Variants in PDE10A observed in about 807,000 individuals in gnomAD.
PDE10A encodes the protein cAMP and cAMP-inhibited cGMP 3',5'-cyclic phosphodiesterase 10A.
PDE10A carries 39 observed loss-of-function variants against 97.7 expected under a neutral mutation model. The ratio of observed to expected loss-of-function variants is 0.40; its 90% CI spans 0.31 to 0.52. The LOEUF (loss-of-function observed/expected upper bound fraction) is 0.52. Ranked by LOEUF, PDE10A falls within the 20% of genes least tolerant of loss-of-function variation. PDE10A has a pLI of 0.56. For missense variants in PDE10A, 731 were observed against 1,047.8 expected, an observed-to-expected ratio of 0.70 and a Z score of 4.17; for synonymous variants, 371 against 376.8, an observed-to-expected ratio of 0.98 and a Z score of 0.18.
intron 10 of PDE10A, among the ~76,000 whole-genome samples, chr6:165,422,768 A>C (rs1788813628): frequency 6.6e-6 from 1 of 152,316 alleles, no homozygotes; most frequent in Admixed American, 6.5e-5. Flanking sequence ...GGTTCAAGAA[A>C]AAGTGAGGAG....
chr6:165,838,084 G>A (rs1198124100), intron 1 of PDE10A, among the ~76,000 whole-genome samples: 3 of 152,296 alleles, frequency 2.0e-5, no homozygotes, highest in Middle Eastern at 3.4e-3. Context: ...CTAGAAAGGC[G>A]AGCAAATGAT....
chr6:165,628,608 C>T (rs9365898), intron 1 of PDE10A, among the ~76,000 whole-genome samples: 17,442 of 152,082 alleles, frequency 0.11, 1,420 homozygotes, highest in Admixed American at 0.22. Flanking sequence ...CCTCCCAAAG[C>T]GCTGGCATTA....
chr6:165,823,514 A>ATG (rs1185485822), intron 1 of PDE10A, among the ~76,000 whole-genome samples: 2 of 134,476 alleles, frequency 1.5e-5, no homozygotes, highest in African/African-American at 5.3e-5. Flanking sequence ...ATATATATAT[A>ATG]TATATATATA....
rs1790655424 is a variant in PDE10A, at chr6:165,671,818, T to A, written c.-614-128250A>T. 6.6e-6 allele frequency among the ~76,000 whole-genome samples: 1 copy of A among 152,192 alleles called. No individual in the cohort carries two copies. The highest frequency in any genetic ancestry group is 2.1e-4 in the South Asian group (1 of 4,830). The stretch of plus-strand genomic sequence containing the variant: ...GATGTTTATATTCAGTATTCACAGA[T>A]TTCTGTATTTCTTAAAGGGAGATCA... On this transcript the variant is annotated intron_variant, in intron 1 of 19. Coordinates refer to the PDE10A transcript ENST00000366882. The surrounding 1 kb of genome is among the most constrained non-coding windows in gnomAD (Gnocchi z 4.6).
intron 1 of PDE10A, among the ~76,000 whole-genome samples, chr6:165,556,060 A>G (rs1366906431): frequency 1.3e-5 from 2 of 152,242 alleles, no homozygotes; most frequent in African/African-American, 4.8e-5. Context: ...TATGCCATAA[A>G]TGCATAAAAT....
At chr6:165,955,932 T>G (rs1784122788) in intron 1 of PDE10A, among the ~76,000 whole-genome samples, 2 of 152,246 alleles carry the variant, frequency 1.3e-5, no homozygotes, top group Non-Finnish European at 2.9e-5. Context: ...AAGAAGCATC[T>G]TGTATGTTTT....
Position 165,395,215 on chromosome 6 carries a change from C to T in PDE10A, c.2269G>A (p.Val757Ile). The change falls in exon 15 of 22, where the codon GTC (valine) becomes ATC (isoleucine). Residue 757 changes from valine to isoleucine, a missense_variant. Physicochemically the swap from Val to Ile is conservative, Grantham distance 29 (BLOSUM62 3). This residue lies in a region of PDE10A where 131 missense variants were observed against 187.4 expected (regional missense o/e 0.70). Transcript: ENST00000539869. Reference protein sequence around the residue: ...PFENMWPGIFVYMVHRSCGTS... With the variant: ...PFENMWPGIFIYMVHRSCGTS... ...CCACAGGACCGATGAACCATGTAGACAAAAATTCCAGGCCACATGTTTTCA... is the reference window on the plus strand; with the variant it reads ...CCACAGGACCGATGAACCATGTAGATAAAAATTCCAGGCCACATGTTTTCA... The T allele has an allele frequency of 1.2e-6, 2 of 1,613,316 alleles. No individual in the cohort carries two copies. The highest frequency in any genetic ancestry group is 1.7e-6 in the Non-Finnish European group (2 of 1,179,462).
At chr6:165,738,731 T>A (rs531971020) in intron 1 of PDE10A, among the ~76,000 whole-genome samples, 1 of 152,320 alleles carries the variant, frequency 6.6e-6, no homozygotes, top group South Asian at 2.1e-4. Context: ...GATATCTCAT[T>A]GTGGTTTTGA....
chr6:165,598,887 G>A (rs1446330658), intron 1 of PDE10A, among the ~76,000 whole-genome samples: 1 of 152,136 alleles, frequency 6.6e-6, no homozygotes, highest in Non-Finnish European at 1.5e-5. Flanking sequence ...CAAGATGAGG[G>A]GACGGGGTCA....
At chr6:165,406,228 A>ATATGTGTGTGTGTGTGTGTGTGTG (rs140845501) in intron 13 of PDE10A, among the ~76,000 whole-genome samples, 231 of 140,508 alleles carry the variant, frequency 1.6e-3, no homozygotes, top group African/African-American at 5.8e-3. Flanking sequence ...AGGGAAAAGG[A>ATATGTGTGTGTGTGTGTGTGTGTG]TGTGTGTGTG....
At position 165,429,123 on chromosome 6, in the gene PDE10A, T is replaced by A. The variant is rs1405958321; in HGVS notation, c.1602-414A>T. 3.3e-5 allele frequency among the ~76,000 whole-genome samples: 5 copies of A among 152,218 alleles called. 1 individual carries two copies. The East Asian group carries it at 9.6e-4, about 29-fold the overall frequency. Reference sequence around the variant, plus strand: ...TCAATAGTTAAATATAAATTATCACTGAAAACTGGAGAAAGTTAGCATTTA... The same window carrying A: ...TCAATAGTTAAATATAAATTATCACAGAAAACTGGAGAAAGTTAGCATTTA... On this transcript the variant is annotated intron_variant, in intron 9 of 21. Transcript: ENST00000539869.
chr6:165,366,569 C>T (rs1318315841), intron 18 of PDE10A, among the ~76,000 whole-genome samples: 2 of 152,156 alleles, frequency 1.3e-5, no homozygotes, highest in South Asian at 2.1e-4. Flanking sequence ...GGCAAGACCA[C>T]GTTGGGTGAC....
intron 5 of PDE10A, among the ~76,000 whole-genome samples, chr6:165,435,766 C>T (rs220820): frequency 0.28 from 43,165 of 152,062 alleles, 6,776 homozygotes; most frequent in African/African-American, 0.41. Flanking sequence ...TACCTGAAGA[C>T]AGAATCAGTA....
chr6:165,907,444 G>A (rs1782323774), intron 1 of PDE10A, among the ~76,000 whole-genome samples: 1 of 152,250 alleles, frequency 6.6e-6, no homozygotes, highest in Non-Finnish European at 1.5e-5. Flanking sequence ...TCAGGTGCGA[G>A]TCACTTCAGA....
chr6:165,428,997 A>G (rs1276209681), intron 9 of PDE10A, among the ~76,000 whole-genome samples: 2 of 152,046 alleles, frequency 1.3e-5, no homozygotes, highest in African/African-American at 4.8e-5. Flanking sequence ...AGTCTGTTGC[A>G]TTTAACAAAG....
Position 165,618,504 on chromosome 6 carries a change from C to A in PDE10A, c.865+43443G>T, listed in dbSNP as rs1325543666. On this transcript the variant is annotated intron_variant, in intron 1 of 21. Transcript: ENST00000539869. ...GCAGTTCACACAGACATGGCCCGCC[C>A]ACCTTCAGGAGAAACCAAGACATTA... is the stretch of plus-strand genomic sequence containing the variant. Among the ~76,000 whole-genome samples the A allele has an allele frequency of 2.6e-5, 4 of 152,180 alleles. No individual in the cohort carries two copies. The South Asian group carries it at 6.2e-4, about 24-fold the overall frequency.
chr6:165,906,213 T>C (rs898091909), intron 1 of PDE10A, among the ~76,000 whole-genome samples: 1 of 150,710 alleles, frequency 6.6e-6, no homozygotes, highest in Non-Finnish European at 1.5e-5. Flanking sequence ...CGTAAGACCC[T>C]TCTTTGTCAC....
intron 1 of PDE10A, among the ~76,000 whole-genome samples, chr6:165,860,520 C>A (rs907887890): frequency 6.6e-6 from 1 of 152,148 alleles, no homozygotes. Context: ...GCAAAGGACC[C>A]TTGTTTACAG....
chr6:165,921,556 C>T (rs10946107), intron 1 of PDE10A, among the ~76,000 whole-genome samples: 22,245 of 152,132 alleles, frequency 0.15, 1,879 homozygotes, highest in East Asian at 0.26. Context: ...GGGATACAGG[C>T]TGACATTTAC....
Sources: gnomAD v4.1 joint callset for allele counts (sites outside exome capture counted in the v4.1 genomes callset) on GRCh38, gnomAD v4.1.1 for gene constraint, gnomAD v4.1.1 regional missense constraint, Gnocchi (gnomAD v3.1) non-coding constraint, MANE v1.5 for transcripts, NCBI Gene and HGNC (gene_info 2026-07-23, HGNC 2026-07-21) for gene names.